Variants in CNTN4 observed in about 807,000 individuals in gnomAD.
The protein encoded by CNTN4 is contactin-4.
In CNTN4, 77 loss-of-function variants were observed where a neutral mutation model predicts 122.5. The ratio of observed to expected loss-of-function variants is 0.63; its 90% CI spans 0.52 to 0.76. The LOEUF is 0.76. Ranked by LOEUF, CNTN4 falls within the 30% of genes least tolerant of loss-of-function variation. The pLI is 0.00. For missense variants in CNTN4, 1,256 were observed against 1,259.1 expected (o/e 1.00, Z 0.04); for synonymous variants, 512 against 447.0 (o/e 1.15, Z -1.83).
At chr3:2,273,468 G>A (rs1014170619) in intron 2 of CNTN4, among the ~76,000 whole-genome samples, 11 of 152,120 alleles carry the variant, frequency 7.2e-5, no homozygotes, top group Non-Finnish European at 1.5e-4. Flanking sequence ...TGTCTTATGG[G>A]GAGATATTTA....
chr3:2,622,755 T>C (rs1447079809), intron 4 of CNTN4, among the ~76,000 whole-genome samples: 1 of 152,246 alleles, frequency 6.6e-6, no homozygotes, highest in African/African-American at 2.4e-5. Context: ...TGTGTTAATA[T>C]ATCCATTTAC....
At chr3:2,684,126 A>C (rs2085309693) in intron 4 of CNTN4, among the ~76,000 whole-genome samples, 1 of 152,128 alleles carries the variant, frequency 6.6e-6, no homozygotes, top group Admixed American at 6.6e-5. Context: ...TTTGGTTTCC[A>C]GTGTATATAT....
At chr3:2,828,647 T>A (rs2093037763) in intron 7 of CNTN4, among the ~76,000 whole-genome samples, 1 of 152,174 alleles carries the variant, frequency 6.6e-6, no homozygotes, top group South Asian at 2.1e-4. Context: ...CTATCTCAAT[T>A]CAGAGGGGAA....
intron 3 of CNTN4, among the ~76,000 whole-genome samples, chr3:2,565,336 C>A (rs1057410112): frequency 2.6e-5 from 4 of 152,144 alleles, no homozygotes; most frequent in Middle Eastern, 3.2e-3. Flanking sequence ...AGACTACTTA[C>A]TGCAATCTCC....
At chr3:2,754,268 C>T (rs1242574899) in intron 6 of CNTN4, among the ~76,000 whole-genome samples, 1 of 152,136 alleles carries the variant, frequency 6.6e-6, no homozygotes, top group Non-Finnish European at 1.5e-5. Flanking sequence ...TTTTCACTTT[C>T]TTGTAGTAGT....
chr3:2,500,777 A>G lies in CNTN4; in HGVS notation c.-88-70639A>G, dbSNP rs543226225. Among the ~76,000 whole-genome samples the G allele has an allele frequency of 2.6e-5, 4 of 152,254 alleles. No homozygotes were observed. The South Asian group carries it at 8.3e-4, about 32-fold the overall frequency. Reference sequence around the variant, plus strand: ...TTCTTAATTTTTTCTATTGAAGTATAAATTCCACATACTGAAATACATAGT... The same window carrying G: ...TTCTTAATTTTTTCTATTGAAGTATGAATTCCACATACTGAAATACATAGT... On this transcript the variant is annotated intron_variant, in intron 3 of 24. Transcript: ENST00000418658.
intron 7 of CNTN4, among the ~76,000 whole-genome samples, chr3:2,851,646 C>G (rs1335476032): frequency 6.6e-6 from 1 of 152,190 alleles, no homozygotes; most frequent in East Asian, 1.9e-4. Flanking sequence ...CATCAAACCT[C>G]TAAGGTGGGG....
In CNTN4 at chr3:2,652,019, T is replaced by G. The variant is rs185025539; in HGVS notation, c.55+80461T>G. On this transcript the variant is annotated intron_variant, in intron 4 of 24. Transcript: ENST00000418658. ...ACCGCACCTGGCCAAAAAAAAGGTGTTGTTTTTTTTTTTTTAAATAGCCAG... is the reference window on the plus strand; with the variant it reads ...ACCGCACCTGGCCAAAAAAAAGGTGGTGTTTTTTTTTTTTTAAATAGCCAG... 1.6e-3 allele frequency among the ~76,000 whole-genome samples: 246 copies of G among 151,632 alleles called. 1 individual carries two copies. The highest frequency in any genetic ancestry group is 3.9e-4 in the East Asian group (2 of 5,160).
chr3:2,641,111 T>C (rs1469352883), intron 4 of CNTN4, among the ~76,000 whole-genome samples: 1 of 152,178 alleles, frequency 6.6e-6, no homozygotes, highest in East Asian at 1.9e-4. Context: ...ATTAATGCTA[T>C]ATACAACTTC....
chr3:2,245,512 T>G (rs1254150071), intron 2 of CNTN4, among the ~76,000 whole-genome samples: 5 of 152,074 alleles, frequency 3.3e-5, no homozygotes, highest in Non-Finnish European at 7.4e-5. Flanking sequence ...CCTGCTATAC[T>G]TAATTTTCCA....
chr3:2,715,231 C>T (rs2087420313), intron 4 of CNTN4, among the ~76,000 whole-genome samples: 1 of 151,896 alleles, frequency 6.6e-6, no homozygotes. Context: ...TACTGAAAAA[C>T]AACATAATAA....
chr3:2,699,879 C>T (rs946056519), intron 4 of CNTN4, among the ~76,000 whole-genome samples: 1 of 152,112 alleles, frequency 6.6e-6, no homozygotes, highest in Non-Finnish European at 1.5e-5. Flanking sequence ...TGGTATTATA[C>T]AGCTGAATCT....
chr3:2,461,641 A>G (rs1488774362), intron 3 of CNTN4, among the ~76,000 whole-genome samples: 1 of 152,210 alleles, frequency 6.6e-6, no homozygotes, highest in Non-Finnish European at 1.5e-5. Context: ...CAGGCTCTTA[A>G]GTGACTTGTC....
At chr3:2,108,043 G>A (rs866249394) in intron 2 of CNTN4, among the ~76,000 whole-genome samples, 2 of 152,104 alleles carry the variant, frequency 1.3e-5, no homozygotes, top group South Asian at 4.1e-4. Flanking sequence ...AAGATTGCCT[G>A]TGGTCCCTCC....
chr3:2,374,447 C>A (rs1051690318), intron 3 of CNTN4, among the ~76,000 whole-genome samples: 1 of 152,152 alleles, frequency 6.6e-6, no homozygotes, highest in Non-Finnish European at 1.5e-5. Flanking sequence ...AAAAATGTTA[C>A]CCATTTCATT....
intron 7 of CNTN4, among the ~76,000 whole-genome samples, chr3:2,857,454 A>G (rs1387870080): frequency 6.6e-6 from 1 of 152,246 alleles, no homozygotes; most frequent in Non-Finnish European, 1.5e-5. Context: ...GCTGAAAGAA[A>G]CATTCTTTAT....
intron 7 of CNTN4, among the ~76,000 whole-genome samples, chr3:2,832,324 A>G (rs557499441): frequency 6.6e-6 from 1 of 152,332 alleles, no homozygotes; most frequent in South Asian, 2.1e-4. Flanking sequence ...GTGGGCCAAA[A>G]CAAAATGTTT....
At chr3:2,645,103 TC>T (rs1404768812) in intron 4 of CNTN4, among the ~76,000 whole-genome samples, 1 of 152,080 alleles carries the variant, frequency 6.6e-6, no homozygotes, top group East Asian at 1.9e-4. Context: ...CTTACCTATC[TC>T]TTTCTCTTAT....
Position 2,470,323 on chromosome 3 carries a change from T to C in CNTN4, c.-88-101093T>C, listed in dbSNP as rs561686895. Reference sequence around the variant, plus strand: ...ATCTCCTGACCTCATGATTCACCCATGTTGGCCTCCCAAAGTGCTGGGATT... The same window carrying C: ...ATCTCCTGACCTCATGATTCACCCACGTTGGCCTCCCAAAGTGCTGGGATT... On this transcript the variant is annotated intron_variant, in intron 3 of 24. Transcript: ENST00000418658. 3.0e-4 allele frequency among the ~76,000 whole-genome samples: 46 copies of C among 152,210 alleles called. No individual in the cohort carries two copies. The Middle Eastern group carries it at 0.01, about 34-fold the overall frequency.
Sources: allele counts gnomAD v4.1 joint callset (sites outside exome capture counted in the v4.1 genomes callset), GRCh38; gene constraint gnomAD v4.1.1; transcripts MANE v1.5; gene names NCBI Gene and HGNC (gene_info 2026-07-23, HGNC 2026-07-21).